SPMIP2: variants seen among roughly 807,000 people sequenced by gnomAD.
SPMIP2 encodes the protein protein SPMIP2.
At chr4:158,901,634 G>A in the SPMIP2 span, among the ~76,000 whole-genome samples, 43,890 of 151,712 alleles carry the variant, frequency 0.29, 7,100 homozygotes, top group Non-Finnish European at 0.38. Context: ...CCAATCAAAC[G>A]TAGATTTGGT....
chr4:158,901,459 A>G, the SPMIP2 span, among the ~76,000 whole-genome samples: 1 of 151,520 alleles, frequency 6.6e-6, no homozygotes, highest in Non-Finnish European at 1.5e-5. Flanking sequence ...TCTGACCATT[A>G]TGTGTCTTGG....
chr4:159,064,078 G>T, the SPMIP2 span, among the ~76,000 whole-genome samples: 1 of 152,150 alleles, frequency 6.6e-6, no homozygotes, highest in Non-Finnish European at 1.5e-5. Flanking sequence ...GGGCGTGGTA[G>T]CTCATGCCTG....
the SPMIP2 span, among the ~76,000 whole-genome samples, chr4:158,927,289 G>A: frequency 5.9e-5 from 9 of 152,114 alleles, no homozygotes; most frequent in Admixed American, 2.6e-4. Flanking sequence ...TAAATTATCT[G>A]ACATTAGAGA....
chr4:159,037,234 T>C, the SPMIP2 span, among the ~76,000 whole-genome samples: 1 of 152,152 alleles, frequency 6.6e-6, no homozygotes, highest in Non-Finnish European at 1.5e-5. Context: ...GAAGGGAAAA[T>C]ATGGGAGAAG....
the SPMIP2 span, among the ~76,000 whole-genome samples, chr4:159,032,554 T>C: frequency 6.6e-6 from 1 of 152,150 alleles, no homozygotes; most frequent in Non-Finnish European, 1.5e-5. Flanking sequence ...TATACACTGG[T>C]GTAAGTTAGA....
the SPMIP2 span, chr4:158,904,427 T>G: frequency 6.7e-7 from 1 of 1,493,942 alleles, no homozygotes; most frequent in East Asian, 2.3e-5. Flanking sequence ...AAAACCATGC[T>G]CTTTTAAAGT....
At chr4:159,013,287 TTA>T in the SPMIP2 span, among the ~76,000 whole-genome samples, 1 of 152,198 alleles carries the variant, frequency 6.6e-6, no homozygotes, top group African/African-American at 2.4e-5. Context: ...TACACACATG[TTA>T]ATAGCAGCAT....
chr4:158,992,559 T>C, the SPMIP2 span, among the ~76,000 whole-genome samples: 2 of 86,956 alleles, frequency 2.3e-5, no homozygotes, highest in African/African-American at 7.7e-5. Context: ...ACTTGCCAGC[T>C]GTCTTGGTTT....
chr4:158,901,128 A>ATTTTTTTTTTTT, the SPMIP2 span, among the ~76,000 whole-genome samples: 2 of 112,304 alleles, frequency 1.8e-5, no homozygotes, highest in Non-Finnish European at 3.5e-5. Context: ...CTGGGTTGAA[A>ATTTTTTTTTTTT]TTTTTTTTTT....
the SPMIP2 span, among the ~76,000 whole-genome samples, chr4:158,994,819 A>T: frequency 6.6e-6 from 1 of 152,204 alleles, no homozygotes; most frequent in Non-Finnish European, 1.5e-5. Context: ...AAAAGGAGAT[A>T]CTGCTAGAGA....
At chr4:159,071,766 A>G in the SPMIP2 span, among the ~76,000 whole-genome samples, 7 of 151,250 alleles carry the variant, frequency 4.6e-5, no homozygotes, top group African/African-American at 1.7e-4. Context: ...CAGTTTCTCA[A>G]GCTGTGGAGT....
At chr4:159,061,094 AATATATATATATATAC>A in the SPMIP2 span, among the ~76,000 whole-genome samples, 2 of 143,780 alleles carry the variant, frequency 1.4e-5, no homozygotes, top group African/African-American at 5.3e-5. Context: ...CAAAAAAAAA[AATATATATATATATAC>A]ATATATATAT....
chr4:158,917,388 C>T, the SPMIP2 span, among the ~76,000 whole-genome samples: 18 of 152,158 alleles, frequency 1.2e-4, no homozygotes, highest in South Asian at 3.7e-3. Context: ...GATCACATCA[C>T]TGCACTCCAG....
At chr4:158,922,955 TTTG>T in the SPMIP2 span, among the ~76,000 whole-genome samples, 2 of 152,232 alleles carry the variant, frequency 1.3e-5, no homozygotes, top group Admixed American at 1.3e-4. Context: ...TATATAATAG[TTTG>T]TTTATACATA....
the SPMIP2 span, chr4:158,937,584 T>G: frequency 6.5e-6 from 1 of 154,212 alleles, no homozygotes; most frequent in Non-Finnish European, 1.5e-5. Flanking sequence ...CATCCAACTG[T>G]TTAATCAAGA....
the SPMIP2 span, among the ~76,000 whole-genome samples, chr4:159,012,325 A>C: frequency 6.6e-6 from 1 of 152,160 alleles, no homozygotes; most frequent in Non-Finnish European, 1.5e-5. Flanking sequence ...ATATTCCTAA[A>C]CTTGATGTAT....
At chr4:158,940,870 C>G in the SPMIP2 span, among the ~76,000 whole-genome samples, 7 of 152,246 alleles carry the variant, frequency 4.6e-5, no homozygotes, top group East Asian at 1.4e-3. Context: ...AAAATCTCTC[C>G]AAGTTTGGCT....
the SPMIP2 span, among the ~76,000 whole-genome samples, chr4:159,071,527 A>G: frequency 9.5e-4 from 144 of 152,300 alleles, no homozygotes; most frequent in Middle Eastern, 0.014. Context: ...AACAAAAGCA[A>G]ACACAGGGCA....
the SPMIP2 span, among the ~76,000 whole-genome samples, chr4:158,955,409 T>G: frequency 2.0e-5 from 3 of 152,346 alleles, no homozygotes; most frequent in Admixed American, 6.5e-5. Context: ...TAATTTTTTT[T>G]GTTTTGTTTT....
Sources: allele counts gnomAD v4.1 joint callset (sites outside exome capture counted in the v4.1 genomes callset), GRCh38; gene constraint gnomAD v4.1.1; transcripts MANE v1.5; gene names NCBI Gene and HGNC (gene_info 2026-07-23, HGNC 2026-07-21).